Variants in B4GALNT1 observed in about 807,000 individuals in gnomAD.
B4GALNT1 encodes the protein beta-1,4-N-acetyl-galactosaminyltransferase 1.
In B4GALNT1, 43 loss-of-function variants were observed where a neutral mutation model predicts 55.2. The observed-to-expected ratio is 0.78, with a 90% CI of 0.61 to 1.00. The LOEUF is 1.00. Ranked by LOEUF, B4GALNT1 falls within the 50% of genes least tolerant of loss-of-function variation. The probability of loss-of-function intolerance (pLI) is 0.00; values close to 1 mark genes in which losing one functional copy is unlikely to be tolerated. For missense variants in B4GALNT1, 664 were observed against 729.7 expected, an observed-to-expected ratio of 0.91 and a Z score of 1.04; for synonymous variants, 305 against 311.6, an observed-to-expected ratio of 0.98 and a Z score of 0.22.
Position 57,625,341 on chromosome 12 carries a change from G to A in B4GALNT1, c.*1403C>T. The A allele has an allele frequency of 6.2e-7, 1 of 1,614,048 alleles. No homozygotes were observed. The highest frequency in any genetic ancestry group is 1.7e-5 in the Admixed American group (1 of 60,020). ...CAGGTGAGGGAGAGGGTAGGTTGAG[G>A]AGAAACCCCTTAGCATCTCACTCAT... On this transcript the variant is annotated 3_prime_UTR_variant, in exon 11 of 11. Coordinates refer to ENST00000341156, the MANE Select transcript of B4GALNT1 (RefSeq NM_001478.5).
At position 57,630,497 on chromosome 12, in the gene B4GALNT1, G is replaced by A. The variant is rs759353736; in HGVS notation, c.512C>T (p.Ser171Phe). 66 of 1,609,046 alleles carry A rather than the reference G, an allele frequency of 4.1e-5. 1 individual carries two copies. The South Asian group carries it at 6.5e-4, about 16-fold the overall frequency. ...TCTCACCTGGTATACCTCCTGACCA[G>A]AAGCTGCCTGAAGGCTCAGCCCTAG... Reference protein sequence around the residue: ...LVPGLSLQAASGQEVYQVNLT... With the variant: ...LVPGLSLQAAFGQEVYQVNLT... The change falls in exon 5 of 11, where the codon TCT (serine) becomes TTT (phenylalanine). Residue 171 changes from serine to phenylalanine, a missense_variant. Transcript: ENST00000341156.
rs774894 is a variant in B4GALNT1, at chr12:57,625,712, C to G, written c.*1032G>C. The G allele has an allele frequency of 6.5e-7, 1 of 1,539,480 alleles. No homozygotes were observed. Among genetic ancestry groups the G allele is most frequent in the Non-Finnish European group, 8.7e-7 (1 of 1,145,606 alleles). On this transcript the variant is annotated 3_prime_UTR_variant, in exon 11 of 11. Coordinates refer to ENST00000341156, the MANE Select transcript of B4GALNT1 (RefSeq NM_001478.5). ...TGTTAAGGGGCAGTAGCACCAGGAG[C>G]GGGAGCCAGGAGGCACTGGGCTGCG...
At position 57,630,536 on chromosome 12, in the gene B4GALNT1, G is replaced by C; in HGVS notation, c.491-18C>G. The C allele has an allele frequency of 6.3e-7, 1 of 1,598,676 alleles. No homozygotes were observed. ...GCTCAGCCCTAGGAGAAAGGAGTGG[G>C]GGGATCAGAATCACATAGGCAGCCC... On this transcript the variant is annotated intron_variant, in intron 4 of 10. Coordinates refer to ENST00000341156, the MANE Select transcript of B4GALNT1 (RefSeq NM_001478.5).
At position 57,630,298 on chromosome 12, in the gene B4GALNT1, A is replaced by G. The variant is rs1314331566; in HGVS notation, c.566T>C (p.Val189Ala). The G allele has an allele frequency of 1.2e-6, 2 of 1,614,142 alleles. No homozygotes were observed. The highest frequency in any genetic ancestry group is 3.3e-5 in the Admixed American group (2 of 60,032). The change falls in exon 6 of 11, where the codon GTG becomes GCG. Residue 189 changes from valine to alanine, a missense_variant. By Grantham distance (64) the Val-to-Ala change is moderately conservative (BLOSUM62 0). Coordinates refer to ENST00000341156, the MANE Select transcript of B4GALNT1 (RefSeq NM_001478.5). The stretch of plus-strand genomic sequence containing the variant: ...AGTAACTCCAGTCACTTCCCCTGCC[A>G]CGTCCCAGGTGCCTAGGGAGGCAGT... ...NLTASLGTWD[V>A]AGEVTGVTLT...
rs999169218 is a variant in B4GALNT1, at chr12:57,632,382, C to G, written c.-1-249G>C. ...CCTGCATCTCGGTTTCCTCACACAC[C>G]CGAGGCCTGGCATCTTAATGCTGAA... On this transcript the variant is annotated intron_variant, in intron 1 of 10. Coordinates refer to ENST00000341156, the MANE Select transcript of B4GALNT1 (RefSeq NM_001478.5). 8 of 646,102 alleles carry G rather than the reference C, an allele frequency of 1.2e-5. No homozygotes were observed. In the Admixed American group the frequency reaches 2.0e-4, roughly 16 times the overall value. The allele number at this position is 646,102 out of a possible 1,614,324, so 40.0% of individuals were successfully genotyped here.
chr12:57,629,899 C>G (rs1396901554), intron 6 of B4GALNT1: 1 of 1,533,068 alleles, frequency 6.5e-7, no homozygotes, highest in Admixed American at 2.0e-5. Flanking sequence ...CTTCCTGGGG[C>G]CCCCCACAGT....
chr12:57,625,040 T>C lies in B4GALNT1; in HGVS notation c.*1704A>G, dbSNP rs763705542. On this transcript the variant is annotated 3_prime_UTR_variant, in exon 11 of 11. Coordinates refer to ENST00000341156, the MANE Select transcript of B4GALNT1 (RefSeq NM_001478.5). The stretch of plus-strand genomic sequence containing the variant: ...CCTCAGGGAGTGGGAGGCAGGTGGG[T>C]GTTCTGAGGGGGATCCTTGTGCTCA... The C allele has an allele frequency of 4.3e-6, 7 of 1,612,308 alleles. No individual in the cohort carries two copies. Among genetic ancestry groups the C allele is most frequent in the Non-Finnish European group, 5.9e-6 (7 of 1,178,634 alleles).
Position 57,623,882 on chromosome 12 carries a change from G to T in B4GALNT1, c.*2862C>A. 1 of 1,614,076 alleles carries T rather than the reference G, an allele frequency of 6.2e-7. No individual in the cohort carries two copies. Among genetic ancestry groups the T allele is most frequent in the Non-Finnish European group, 8.5e-7 (1 of 1,180,002 alleles). ...ACAGTGGTCCTGTCGGTGCTGCTGT[G>T]GCTGGGGCCCTTCTTTTACTATCTG... On this transcript the variant is annotated 3_prime_UTR_variant, in exon 11 of 11. Transcript: ENST00000341156.
chr12:57,625,059 G>T lies in B4GALNT1; in HGVS notation c.*1685C>A, dbSNP rs1462026983. On this transcript the variant is annotated 3_prime_UTR_variant, in exon 11 of 11. Coordinates refer to ENST00000341156, the MANE Select transcript of B4GALNT1 (RefSeq NM_001478.5). ...GGTGGGTGTTCTGAGGGGGATCCTTGTGCTCAAGGGGTGCATGTTCATGCT... is the reference window on the plus strand; with the variant it reads ...GGTGGGTGTTCTGAGGGGGATCCTTTTGCTCAAGGGGTGCATGTTCATGCT... 20 of 1,613,828 alleles carry T rather than the reference G, an allele frequency of 1.2e-5. No individual in the cohort carries two copies. Among genetic ancestry groups the T allele is most frequent in the Non-Finnish European group, 1.7e-5 (20 of 1,179,814 alleles).
intron 6 of B4GALNT1, chr12:57,629,834 C>A: frequency 5.5e-6 from 8 of 1,465,830 alleles, no homozygotes; most frequent in Non-Finnish European, 7.2e-6. Context: ...AAGACCTTTG[C>A]CCTCTAGTAA....
Position 57,628,144 on chromosome 12 carries a change from A to T in B4GALNT1, c.1121T>A (p.Leu374Gln), listed in dbSNP as rs752587364. 2 of 1,614,122 alleles carry T rather than the reference A, an allele frequency of 1.2e-6. No homozygotes were observed. The highest frequency in any genetic ancestry group is 1.7e-6 in the Non-Finnish European group (2 of 1,180,038). Residue 374 changes from leucine (L) to glutamine (Q), a missense_variant, in exon 9 of 11, where the codon CTG becomes CAG. By Grantham distance (113) the Leu-to-Gln change is moderately radical (BLOSUM62 -2). Transcript: ENST00000341156. ...RTRLERLVDV[L>Q]ERTPLDLVGG... ...TACCAGGTCCAGCGGCGTCCGCTCC[A>T]GCACGTCCACAAGCCTCTCCAGCCG...
At chr12:57,627,247 G>A (rs1884878301) in intron 10 of B4GALNT1, among the ~76,000 whole-genome samples, 1 of 152,152 alleles carries the variant, frequency 6.6e-6, no homozygotes, top group South Asian at 2.1e-4. Flanking sequence ...AGCCCTGGGA[G>A]TAGAGCAGGG....
Position 57,631,369 on chromosome 12 carries a change from A to AG in B4GALNT1, c.219-6dup. On this transcript the variant is annotated splice_region_variant and splice_polypyrimidine_tract_variant and intron_variant, in intron 2 of 10. Transcript: ENST00000341156. ...CAGTTGTTCCAAGCCAGCAGCCTGA[A>AG]GGGGGTAGGTAGTGAGGGTCATCAG... 2 of 1,613,922 alleles carry AG rather than the reference A, an allele frequency of 1.2e-6. No homozygotes were observed. Among genetic ancestry groups the AG allele is most frequent in the South Asian group, 2.2e-5 (2 of 91,056 alleles).
intron 6 of B4GALNT1, 174 bp from the exon 7 acceptor site, chr12:57,629,320 C>T (rs1187351617): frequency 1.9e-6 from 1 of 517,916 alleles, no homozygotes; most frequent in Non-Finnish European, 3.3e-6. Flanking sequence ...GAAAAAACAA[C>T]AAAGAAAATT....
At chr12:57,629,326 A>C in intron 6 of B4GALNT1, 180 bp from the exon 7 acceptor site, 1 of 504,976 alleles carries the variant, frequency 2.0e-6, no homozygotes, top group Non-Finnish European at 3.4e-6. Flanking sequence ...ACAACAAAGA[A>C]AATTTTAAGT....
In B4GALNT1 at chr12:57,623,848, T is replaced by C; in HGVS notation, c.*2896A>G. The C allele has an allele frequency of 6.2e-7, 1 of 1,613,978 alleles. No homozygotes were observed. The highest frequency in any genetic ancestry group is 8.5e-7 in the Non-Finnish European group (1 of 1,179,952). ...TCCTTTTCTCTAGCTGGCAGGCCTC[T>C]TCTCCTGCACAGTGGTCCTGTCGGT... is the stretch of plus-strand genomic sequence containing the variant. On this transcript the variant is annotated 3_prime_UTR_variant, in exon 11 of 11. Transcript: ENST00000341156.
intron 1 of B4GALNT1, chr12:57,632,456 C>T (rs1426287452): frequency 8.8e-6 from 4 of 456,538 alleles, no homozygotes; most frequent in South Asian, 2.2e-5. Context: ...AGCGGAAAAG[C>T]CCCGCTCTAT....
chr12:57,625,646 T>A lies in B4GALNT1; in HGVS notation c.*1098A>T. The A allele has an allele frequency of 6.3e-7, 1 of 1,592,426 alleles. No homozygotes were observed. Among genetic ancestry groups the A allele is most frequent in the Non-Finnish European group, 8.6e-7 (1 of 1,169,064 alleles). ...ACAGGGTGACTCCAGATCAGCTGTT[T>A]GTGAGTGTGCAGGATGCAGCTGCTT... On this transcript the variant is annotated 3_prime_UTR_variant, in exon 11 of 11. Transcript: ENST00000341156.
chr12:57,628,561 C>T (rs1332454196), intron 8 of B4GALNT1, 152 bp downstream of exon 8: 4 of 1,011,480 alleles, frequency 4.0e-6, no homozygotes, highest in African/African-American at 1.6e-5. Context: ...CCTGCTCCCA[C>T]GAAGCTTACA....
Sources: gnomAD v4.1 joint callset for allele counts (sites outside exome capture counted in the v4.1 genomes callset) on GRCh38, gnomAD v4.1.1 for gene constraint, MANE v1.5 for transcripts, NCBI Gene and HGNC (gene_info 2026-07-23, HGNC 2026-07-21) for gene names.